The following SH2D6 variants were observed in gnomAD, a reference collection of about 807,000 sequenced individuals.
The protein encoded by SH2D6 is SH2 domain containing 6.
In SH2D6, 31 loss-of-function variants were observed where a neutral mutation model predicts 30.2. That is an observed-to-expected ratio of 1.03 (90% confidence interval 0.77 to 1.38). SH2D6 has a LOEUF of 1.38. Ranked by LOEUF, SH2D6 falls within the 40% of genes most tolerant of loss-of-function variation. The probability of loss-of-function intolerance (pLI) is 0.00; values close to 1 mark genes in which losing one functional copy is unlikely to be tolerated. For missense variants in SH2D6, 240 were observed against 266.8 expected (o/e 0.90, Z 0.70); for synonymous variants, 93 against 104.6 (o/e 0.89, Z 0.68).
intron 2 of SH2D6, chr2:85,421,586 G>A (rs1183705475): frequency 6.6e-6 from 1 of 152,258 alleles, no homozygotes; most frequent in Non-Finnish European, 1.5e-5. Context: ...ATTTGGCCGT[G>A]AACCTAGCAG....
At chr2:85,419,796 A>AT (rs1687678135) in intron 2 of SH2D6, among the ~76,000 whole-genome samples, 1 of 152,226 alleles carries the variant, frequency 6.6e-6, no homozygotes, top group Non-Finnish European at 1.5e-5. Context: ...TCCTAGAAAT[A>AT]TTTCATTTGA....
intron 19 of SH2D6, 73 bp downstream of exon 19, chr2:85,434,570 C>T: frequency 6.7e-7 from 1 of 1,502,136 alleles, no homozygotes; most frequent in Non-Finnish European, 9.0e-7. Context: ...GATCAAACTC[C>T]TTGTTCTACC....
rs1023167020 is a variant in SH2D6, at chr2:85,430,149, A to G, written c.64+134A>G. 6.6e-6 allele frequency: 1 copy of G among 152,626 alleles called. No homozygotes were observed. The highest frequency in any genetic ancestry group is 1.5e-5 in the Non-Finnish European group (1 of 68,144). 9.5% of individuals were successfully genotyped at this position (152,626 alleles called of 1,614,324 possible). On this transcript the variant is annotated intron_variant, in intron 10 of 23. Coordinates refer to ENST00000469800, the MANE Select transcript of SH2D6 (RefSeq NM_001394463.1). The surrounding 1 kb of genome is among the most constrained non-coding windows in gnomAD (Gnocchi z 4.3). ...TGAGTCACAGGGGCCTAGCTCTCCC[A>G]TCTGTCTTGGCCAGAGTCAAGGGTG...
At chr2:85,434,249 G>T (rs1263010734) in intron 17 of SH2D6, 91 bp from the exon 18 acceptor site, 1 of 1,512,032 alleles carries the variant, frequency 6.6e-7, no homozygotes, top group Non-Finnish European at 8.9e-7. Context: ...GGCAGTGGTG[G>T]CAGGGGCAGC....
At chr2:85,427,486 C>T (rs1688146708) in intron 6 of SH2D6, among the ~76,000 whole-genome samples, 1 of 152,158 alleles carries the variant, frequency 6.6e-6, no homozygotes, top group Non-Finnish European at 1.5e-5. Flanking sequence ...TGCCTGGGGC[C>T]CTTTCACTCA....
chr2:85,421,484 A>G (rs1453258676), intron 2 of SH2D6: 2 of 152,240 alleles, frequency 1.3e-5, no homozygotes, highest in Non-Finnish European at 2.9e-5. Flanking sequence ...GCTTTGCGCA[A>G]CCTGTAAAGA....
Position 85,435,692 on chromosome 2 carries a change from C to A in SH2D6, c.759C>A (p.Ser253Arg). 6.2e-7 allele frequency: 1 copy of A among 1,612,180 alleles called. No homozygotes were observed. Among genetic ancestry groups the A allele is most frequent in the Non-Finnish European group, 8.5e-7 (1 of 1,179,192 alleles). The stretch of plus-strand genomic sequence containing the variant: ...ATGGGGCCTATACCGTGCGCCCCAG[C>A]TCAGGGCCTCATGGCTCCCAGCCCT... ...QKDGAYTVRPSSGPHGSQPFT... is the reference protein window; with the variant it reads ...QKDGAYTVRPRSGPHGSQPFT... The change falls in exon 22 of 24, where the codon AGC becomes AGA. Residue 253 changes from serine to arginine, a missense_variant. Transcript: ENST00000469800.
chr2:85,433,848 T>C (rs1250395908), intron 16 of SH2D6, among the ~76,000 whole-genome samples, 185 bp from the exon 17 acceptor site: 1 of 152,212 alleles, frequency 6.6e-6, no homozygotes, highest in Non-Finnish European at 1.5e-5. Flanking sequence ...CCTTAGAGCA[T>C]GGGCTGGGTG....
intron 22 of SH2D6, among the ~76,000 whole-genome samples, chr2:85,436,215 TAG>T (rs1444787526): frequency 2.6e-5 from 4 of 152,180 alleles, no homozygotes; most frequent in Admixed American, 6.5e-5. Flanking sequence ...AGGCGCACCC[TAG>T]AGTCAGTTTG....
At chr2:85,422,066 C>A (rs1687769489) in intron 2 of SH2D6, 137 bp from the exon 3 acceptor site, 1 of 152,164 alleles carries the variant, frequency 6.6e-6, no homozygotes, top group Non-Finnish European at 1.5e-5. Flanking sequence ...GGGCTGGGCT[C>A]TGGGAGACGG....
chr2:85,434,132 G>T, intron 17 of SH2D6, 21 bp downstream of exon 17: 1 of 1,549,092 alleles, frequency 6.5e-7, no homozygotes, highest in Non-Finnish European at 8.7e-7. Flanking sequence ...CACCAGGTGT[G>T]CACCTGTGTG....
intron 16 of SH2D6, 120 bp from the exon 17 acceptor site, chr2:85,433,913 C>T (rs1689073284): frequency 1.1e-6 from 1 of 930,794 alleles, no homozygotes; most frequent in Admixed American, 2.6e-5. Flanking sequence ...GGAAGCACTC[C>T]CAGAAAGTCC....
chr2:85,432,409 G>GT lies in SH2D6; in HGVS notation c.370+460dup, dbSNP rs931733200. ...TATTTTTTTTGTTTTGTTTTGTTTT[G>GT]TTTTTTTTTTGAGACGGAGTCTTGC... On this transcript the variant is annotated intron_variant, in intron 14 of 23. Transcript: ENST00000469800. Among the ~76,000 whole-genome samples, 1,353 of 145,914 alleles carry GT rather than the reference G, an allele frequency of 9.3e-3. 26 individuals are homozygous for GT. Among genetic ancestry groups the GT allele is most frequent in the African/African-American group, 0.031 (1,228 of 39,462 alleles).
At chr2:85,434,615 C>CA in intron 19 of SH2D6, 118 bp downstream of exon 19, 1 of 923,958 alleles carries the variant, frequency 1.1e-6, no homozygotes, top group Non-Finnish European at 1.5e-6. Context: ...CTTGACTAGA[C>CA]TTAAAAAAAA....
At chr2:85,433,014 A>G (rs1226215970) in intron 14 of SH2D6, 85 bp from the exon 15 acceptor site, 2 of 979,216 alleles carry the variant, frequency 2.0e-6, no homozygotes, top group Non-Finnish European at 2.4e-6. Flanking sequence ...CCCTAAGGAG[A>G]CTCTGCTTTT....
rs748365171 is a variant in SH2D6 at position 85,435,016 on chromosome 2, CCCCCA to C, written c.590-28_590-24del. 7.4e-4 allele frequency: 1,108 copies of C among 1,505,892 alleles called. 2 individuals are homozygous for C. The highest frequency in any genetic ancestry group is 8.7e-4 in the Non-Finnish European group (980 of 1,121,614). The allele number at this position is 1,505,892 out of a possible 1,614,324, so 93.3% of individuals were successfully genotyped here. ...GTCCCCTAGAAGCCACCTTTGCCCA[CCCCCA>C]CCCCACCCCACCCCACCCCAGCTCA... On this transcript the variant is annotated intron_variant, in intron 19 of 23. Coordinates refer to ENST00000469800, the MANE Select transcript of SH2D6 (RefSeq NM_001394463.1).
Position 85,435,776 on chromosome 2 carries a change from T to A in SH2D6, c.843T>A (p.Asp281Glu). 6.2e-7 allele frequency: 1 copy of A among 1,607,226 alleles called. No individual in the cohort carries two copies. The highest frequency in any genetic ancestry group is 8.5e-7 in the Non-Finnish European group (1 of 1,177,056). Residue 281 changes from aspartate (D) to glutamate (E), a missense_variant, in exon 22 of 24, where the codon GAT becomes GAA. Coordinates refer to ENST00000469800, the MANE Select transcript of SH2D6 (RefSeq NM_001394463.1). ...RVFNIPIRRL[D>E]GGRHYALGRE... ...TCAACATTCCCATCCGGCGGCTGGA[T>A]GGCGGACGCCACTATGCCCTGGGCC...
At chr2:85,435,042 G>A in intron 19 of SH2D6, 23 bp from the exon 20 acceptor site, 1 of 330,796 alleles carries the variant, frequency 3.0e-6, no homozygotes, top group Non-Finnish European at 4.5e-6. Context: ...CCCCACCCCA[G>A]CTCAATAATC....
intron 5 of SH2D6, among the ~76,000 whole-genome samples, chr2:85,422,913 G>A (rs1261775066): frequency 6.6e-6 from 1 of 152,216 alleles, no homozygotes; most frequent in Non-Finnish European, 1.5e-5. Flanking sequence ...TTGAGATGGT[G>A]TTTCACTCTT....
Sources: gnomAD v4.1 joint callset for allele counts (sites outside exome capture counted in the v4.1 genomes callset) on GRCh38, gnomAD v4.1.1 for gene constraint, Gnocchi (gnomAD v3.1) non-coding constraint, MANE v1.5 for transcripts, NCBI Gene and HGNC (gene_info 2026-07-23, HGNC 2026-07-21) for gene names.